The following ASIC2 variants were observed in gnomAD, a reference collection of about 807,000 sequenced individuals.
ASIC2 encodes the protein acid-sensing ion channel 2.
In ASIC2, 25 loss-of-function variants were observed where a neutral mutation model predicts 57.3. The ratio of observed to expected loss-of-function variants is 0.44; its 90% CI spans 0.32 to 0.61. The LOEUF (loss-of-function observed/expected upper bound fraction) is 0.61. Among genes scored for constraint, ASIC2 ranks in the 20% least tolerant of loss-of-function variants. The pLI is 0.06. For missense variants in ASIC2, 641 were observed against 738.1 expected (o/e 0.87, Z 1.52); for synonymous variants, 319 against 307.5 (o/e 1.04, Z -0.39).
At chr17:33,688,437 C>T (rs1212558704) in intron 1 of ASIC2, among the ~76,000 whole-genome samples, 1 of 152,128 alleles carries the variant, frequency 6.6e-6, no homozygotes, top group Non-Finnish European at 1.5e-5. Flanking sequence ...GTTAACTTAA[C>T]AGTATTAGTA....
intron 1 of ASIC2, among the ~76,000 whole-genome samples, chr17:33,419,218 C>G (rs915785467): frequency 6.6e-6 from 1 of 152,208 alleles, no homozygotes; most frequent in African/African-American, 2.4e-5. Flanking sequence ...CCAGAGGGAG[C>G]GGCTAAGGTG....
rs183581691 is a variant in ASIC2, at chr17:33,519,874, G to A, written c.556-407807C>T. On this transcript the variant is annotated intron_variant, in intron 1 of 9. Coordinates refer to the ASIC2 transcript ENST00000359872. ...ACTGACCAAGAGCAAAGCCTGGGTC[G>A]TGGTCACTGTGACATTCCAGGCCAC... Among the ~76,000 whole-genome samples, 7 of 152,320 alleles carry A rather than the reference G, an allele frequency of 4.6e-5. No individual in the cohort carries two copies. In the East Asian group the frequency reaches 7.7e-4, roughly 17 times the overall value.
At chr17:33,494,761 C>T (rs927256504) in intron 1 of ASIC2, among the ~76,000 whole-genome samples, 2 of 152,186 alleles carry the variant, frequency 1.3e-5, no homozygotes, top group African/African-American at 4.8e-5. Context: ...ATTCTGAACT[C>T]CGCTTTCTTT....
intron 1 of ASIC2, among the ~76,000 whole-genome samples, chr17:33,715,552 T>G (rs748643431): frequency 3.9e-5 from 6 of 152,212 alleles, no homozygotes; most frequent in Non-Finnish European, 7.3e-5. Flanking sequence ...GACCACTCAC[T>G]AAATTTCTAC....
At chr17:33,378,777 C>A (rs1364661188) in intron 1 of ASIC2, among the ~76,000 whole-genome samples, 2 of 152,220 alleles carry the variant, frequency 1.3e-5, no homozygotes, top group Admixed American at 1.3e-4. Context: ...TGTGCCACGG[C>A]TTCATTTCTT....
In ASIC2 at chr17:33,223,268, C is replaced by T. The variant is rs1256991976; in HGVS notation, c.708+68140G>A. Reference sequence around the variant, plus strand: ...CGTGATCTCGGCTCACTGCAACCTCCGCCTCCAGGGTTCAAGTGATTCTCC... The same window carrying T: ...CGTGATCTCGGCTCACTGCAACCTCTGCCTCCAGGGTTCAAGTGATTCTCC... On this transcript the variant is annotated intron_variant, in intron 1 of 9. Coordinates refer to ENST00000225823, the MANE Select transcript of ASIC2 (RefSeq NM_183377.2). 1.3e-4 allele frequency among the ~76,000 whole-genome samples: 20 copies of T among 152,056 alleles called. 1 individual carries two copies. The highest frequency in any genetic ancestry group is 1.0e-3 in the South Asian group (5 of 4,796).
chr17:34,142,559 T>C (rs1480132629), intron 1 of ASIC2, among the ~76,000 whole-genome samples: 5 of 152,202 alleles, frequency 3.3e-5, no homozygotes, highest in Admixed American at 3.3e-4. Flanking sequence ...AATTGTAGTG[T>C]ATAATCATTA....
At chr17:34,021,309 T>C (rs555673784) in intron 1 of ASIC2, among the ~76,000 whole-genome samples, 1 of 151,988 alleles carries the variant, frequency 6.6e-6, no homozygotes, top group South Asian at 2.1e-4. Context: ...CTCAGGGCCC[T>C]GCAATCTTGC....
At chr17:33,350,837 AG>A (rs989817597) in intron 1 of ASIC2, among the ~76,000 whole-genome samples, 1 of 152,216 alleles carries the variant, frequency 6.6e-6, no homozygotes, top group African/African-American at 2.4e-5. Flanking sequence ...AGAAAAAAAA[AG>A]CCCATTCATA....
intron 1 of ASIC2, among the ~76,000 whole-genome samples, chr17:33,211,116 G>A (rs1416779277): frequency 9.6e-4 from 1 of 1,044 alleles, no homozygotes; most frequent in Non-Finnish European, 0.022. Context: ...ATTTTCAGTA[G>A]TGGAAAATGG....
chr17:33,395,037 C>T (rs545853885), intron 1 of ASIC2, among the ~76,000 whole-genome samples: 1 of 150,746 alleles, frequency 6.6e-6, no homozygotes, highest in East Asian at 2.0e-4. Context: ...CATATCTATC[C>T]ATCCTTCCAT....
intron 1 of ASIC2, among the ~76,000 whole-genome samples, chr17:33,260,238 G>A (rs137917522): frequency 6.6e-6 from 1 of 152,326 alleles, no homozygotes; most frequent in East Asian, 1.9e-4. Flanking sequence ...CTGAATCCAG[G>A]ACTCTTCCAC....
At chr17:34,028,257 G>A (rs537082130) in intron 1 of ASIC2, among the ~76,000 whole-genome samples, 14 of 152,166 alleles carry the variant, frequency 9.2e-5, no homozygotes, top group Non-Finnish European at 2.1e-4. Context: ...CACCTCCATG[G>A]AGGTCGGTGC....
chr17:33,150,461 G>C (rs565647930), intron 1 of ASIC2, among the ~76,000 whole-genome samples: 2 of 152,222 alleles, frequency 1.3e-5, no homozygotes, highest in South Asian at 4.1e-4. Context: ...TTCTCTTCTT[G>C]GAACAGCTTT....
intron 1 of ASIC2, among the ~76,000 whole-genome samples, chr17:33,670,682 G>A (rs1907612801): frequency 6.6e-6 from 1 of 152,140 alleles, no homozygotes; most frequent in South Asian, 2.1e-4. Flanking sequence ...AAATGGAAAC[G>A]TGAGCACACT....
In ASIC2 at chr17:33,255,519, G is replaced by A. The variant is rs578031924; in HGVS notation, c.708+35889C>T. Among the ~76,000 whole-genome samples the A allele has an allele frequency of 1.3e-4, 19 of 149,938 alleles. 1 individual carries two copies. The highest frequency in any genetic ancestry group is 1.1e-3 in the South Asian group (5 of 4,692). On this transcript the variant is annotated intron_variant, in intron 1 of 9. Coordinates refer to ENST00000225823, the MANE Select transcript of ASIC2 (RefSeq NM_183377.2). ...TGACTATATGCTTACATATGTGTGC[G>A]TCAACAAGGAGTATGCTGTGGAAAT... is the stretch of plus-strand genomic sequence containing the variant.
chr17:33,268,487 A>C (rs1466217667), intron 1 of ASIC2, among the ~76,000 whole-genome samples: 1 of 152,164 alleles, frequency 6.6e-6, no homozygotes, highest in African/African-American at 2.4e-5. Flanking sequence ...GGACAATCAA[A>C]ATACACAAAG....
intron 1 of ASIC2, among the ~76,000 whole-genome samples, chr17:33,989,423 T>TCCATCCAGGAATTGGAAATTCCA (rs1905933796): frequency 4.6e-5 from 7 of 151,876 alleles, no homozygotes; most frequent in Admixed American, 3.9e-4. Flanking sequence ...ATGGACTAAT[T>TCCATCCAGGAATTGGAAATTCCA]TCCAGGAAAT....
intron 1 of ASIC2, among the ~76,000 whole-genome samples, chr17:33,764,022 C>G (rs7212934): frequency 0.73 from 110,382 of 152,068 alleles, 40,551 homozygotes; most frequent in African/African-American, 0.83. Context: ...GGCCGGGTGC[C>G]GTGGCTCGCG....
Sources: gnomAD v4.1 joint callset for allele counts (sites outside exome capture counted in the v4.1 genomes callset) on GRCh38, gnomAD v4.1.1 for gene constraint, MANE v1.5 for transcripts, NCBI Gene and HGNC (gene_info 2026-07-23, HGNC 2026-07-21) for gene names.